CLCN3: variants seen among roughly 807,000 people sequenced by gnomAD.
The protein encoded by CLCN3 is H(+)/Cl(-) exchange transporter 3.
Under a neutral mutation model 83.4 loss-of-function variants are expected in CLCN3, and 16 were observed. That is an observed-to-expected ratio of 0.19 (90% CI 0.13 to 0.29). CLCN3 has a LOEUF of 0.29. Ranked by LOEUF, CLCN3 falls within the 10% of genes least tolerant of loss-of-function variation. CLCN3 has a pLI of 1.00. For missense variants in CLCN3, 544 were observed against 1,006.0 expected (o/e 0.54, Z 6.21); for synonymous variants, 322 against 346.2 (o/e 0.93, Z 0.78).
At chr4:169,676,713 G>T (rs919198929) in intron 2 of CLCN3, among the ~76,000 whole-genome samples, 1 of 148,776 alleles carries the variant, frequency 6.7e-6, no homozygotes, top group Non-Finnish European at 1.5e-5. Flanking sequence ...GCCCAAGCTG[G>T]TCTCAAATTC....
chr4:169,624,988 C>T (rs542528314), intron 1 of CLCN3, among the ~76,000 whole-genome samples: 9 of 151,902 alleles, frequency 5.9e-5, no homozygotes, highest in Admixed American at 2.6e-4. Flanking sequence ...GACGGGGTTT[C>T]CCCATGTTGG....
intron 12 of CLCN3, among the ~76,000 whole-genome samples, chr4:169,714,805 G>C (rs1403172090): frequency 1.3e-5 from 2 of 152,044 alleles, no homozygotes; most frequent in Non-Finnish European, 2.9e-5. Flanking sequence ...AGGGAGTTTA[G>C]AATTATTAAA....
rs982332296 is a variant in CLCN3, at chr4:169,708,965, T to C, written c.2149+1699T>C. On this transcript the variant is annotated intron_variant, in intron 11 of 12. Transcript: ENST00000513761. ...ATATATATAAATTTAAAATTACATA[T>C]ATATGTTTATATATGTAACTTTTAT... is the stretch of plus-strand genomic sequence containing the variant. Among the ~76,000 whole-genome samples the C allele has an allele frequency of 5.4e-5, 8 of 148,458 alleles. No homozygotes were observed. The East Asian group carries it at 1.6e-3, about 29-fold the overall frequency.
chr4:169,663,509 A>G, intron 2 of CLCN3: 1 of 289,762 alleles, frequency 3.5e-6, no homozygotes, highest in Non-Finnish European at 6.8e-6. Flanking sequence ...TAAAAAACAA[A>G]ATTTTTTTTT....
At chr4:169,637,831 C>A (rs182750992) in intron 2 of CLCN3, among the ~76,000 whole-genome samples, 2 of 152,220 alleles carry the variant, frequency 1.3e-5, no homozygotes, top group Admixed American at 6.5e-5. Context: ...GTTGACCCCA[C>A]ACCATTTGTT....
chr4:169,715,345 G>A (rs1410605880), intron 12 of CLCN3, among the ~76,000 whole-genome samples: 1 of 151,984 alleles, frequency 6.6e-6, no homozygotes, highest in Non-Finnish European at 1.5e-5. Context: ...TTCTTCTAAG[G>A]GAATATATTA....
At chr4:169,702,794 A>AAAG in intron 9 of CLCN3, 1 of 305,728 alleles carries the variant, frequency 3.3e-6, no homozygotes, top group Admixed American at 3.8e-5. Context: ...AAAAAAAAAA[A>AAAG]AAAGAAAGCC....
intron 9 of CLCN3, among the ~76,000 whole-genome samples, chr4:169,698,135 G>A (rs1360179325): frequency 1.3e-5 from 2 of 152,118 alleles, no homozygotes; most frequent in Non-Finnish European, 2.9e-5. Context: ...GCTATATATA[G>A]TTTTGGGGTA....
In CLCN3 at chr4:169,650,791, A is replaced by C. The variant is rs567480054; in HGVS notation, c.160+14703A>C. Among the ~76,000 whole-genome samples, 7 of 152,326 alleles carry C rather than the reference A, an allele frequency of 4.6e-5. No individual in the cohort carries two copies. The South Asian group carries it at 8.3e-4, about 18-fold the overall frequency. ...TTCTGTTGCCAACTACTTTGTAAAC[A>C]TTTCTACACCTGTGTCTCCAGACTG... On this transcript the variant is annotated intron_variant, in intron 2 of 12. Transcript: ENST00000513761.
chr4:169,716,572 T>C lies in CLCN3; in HGVS notation c.2366+3277T>C, dbSNP rs182939088. 8.2e-4 allele frequency among the ~76,000 whole-genome samples: 125 copies of C among 152,294 alleles called. 1 individual carries two copies. Among genetic ancestry groups the C allele is most frequent in the East Asian group, 5.8e-3 (30 of 5,192 alleles). On this transcript the variant is annotated intron_variant, in intron 12 of 12. Transcript: ENST00000513761. ...GAAGAACATCTATTGAATGAGTGAA[T>C]GTTCATTATATATAGTGCATTTTCT...
intron 2 of CLCN3, among the ~76,000 whole-genome samples, chr4:169,654,121 A>G (rs1730815081): frequency 6.6e-6 from 1 of 152,140 alleles, no homozygotes; most frequent in African/African-American, 2.4e-5. Flanking sequence ...GCCTATTTCT[A>G]GACTCCCCAT....
intron 3 of CLCN3, among the ~76,000 whole-genome samples, chr4:169,684,637 T>C (rs77659893): frequency 0.038 from 5,718 of 152,200 alleles, 142 homozygotes; most frequent in South Asian, 0.081. Flanking sequence ...TGAAGGAAAA[T>C]ATAATATAGG....
intron 2 of CLCN3, among the ~76,000 whole-genome samples, chr4:169,644,820 G>A (rs913250785): frequency 6.6e-6 from 1 of 152,120 alleles, no homozygotes; most frequent in African/African-American, 2.4e-5. Flanking sequence ...TAATCACAAG[G>A]GTCCTTAAAA....
intron 2 of CLCN3, among the ~76,000 whole-genome samples, chr4:169,675,244 A>G (rs1476010222): frequency 6.6e-6 from 1 of 152,234 alleles, no homozygotes; most frequent in East Asian, 1.9e-4. Flanking sequence ...AGTTAATAGT[A>G]TTGGCATCGT....
chr4:169,638,296 T>C (rs1384958989), intron 2 of CLCN3, among the ~76,000 whole-genome samples: 1 of 152,190 alleles, frequency 6.6e-6, no homozygotes, highest in African/African-American at 2.4e-5. Flanking sequence ...TTTTTACCCC[T>C]TTCTGCTTCC....
chr4:169,653,473 CTACTAAAAA>C (rs1188316336), intron 2 of CLCN3, among the ~76,000 whole-genome samples: 1 of 151,776 alleles, frequency 6.6e-6, no homozygotes, highest in Non-Finnish European at 1.5e-5. Context: ...AACCCTGTCT[CTACTAAAAA>C]TACAAAAAAT....
intron 2 of CLCN3, among the ~76,000 whole-genome samples, chr4:169,678,939 A>C (rs1373847554): frequency 6.6e-6 from 1 of 152,232 alleles, no homozygotes; most frequent in Admixed American, 6.5e-5. Flanking sequence ...CACCTCCCAG[A>C]CAGGGTGGCG....
intron 12 of CLCN3, among the ~76,000 whole-genome samples, chr4:169,714,867 T>G (rs1733367226): frequency 6.6e-6 from 1 of 152,116 alleles, no homozygotes; most frequent in African/African-American, 2.4e-5. Context: ...TAAGTTATTA[T>G]TGTTACTATT....
chr4:169,662,053 T>C (rs1731076084), intron 2 of CLCN3, among the ~76,000 whole-genome samples: 2 of 152,182 alleles, frequency 1.3e-5, no homozygotes, highest in Non-Finnish European at 2.9e-5. Flanking sequence ...TTGTGAAGCT[T>C]AACAGTCTTT....
Sources: allele counts gnomAD v4.1 joint callset (sites outside exome capture counted in the v4.1 genomes callset), GRCh38; gene constraint gnomAD v4.1.1; transcripts MANE v1.5; gene names NCBI Gene and HGNC (gene_info 2026-07-23, HGNC 2026-07-21).